Variants in RBFOX2 observed in about 807,000 individuals in gnomAD.
The protein encoded by RBFOX2 is RNA binding protein fox-1 homolog 2.
RBFOX2 carries 10 observed loss-of-function variants against 49.1 expected under a neutral mutation model. The observed-to-expected ratio is 0.20, with a 90% CI of 0.13 to 0.35. The LOEUF (loss-of-function observed/expected upper bound fraction) is 0.35, where lower values mean the gene tolerates loss of function less well. RBFOX2 is among the 10% of genes least tolerant of loss of function. The probability of loss-of-function intolerance (pLI) is 1.00; values close to 1 mark genes in which losing one functional copy is unlikely to be tolerated. For synonymous variants in RBFOX2, 183 were observed against 187.4 expected (o/e 0.98, Z 0.19); for missense variants, 323 against 486.9 (o/e 0.66, Z 3.17).
At chr22:35,854,426 G>GC (rs1176919839) in intron 1 of RBFOX2, among the ~76,000 whole-genome samples, 1 of 151,566 alleles carries the variant, frequency 6.6e-6, no homozygotes, top group Non-Finnish European at 1.5e-5. Flanking sequence ...CTATAGCCCC[G>GC]CCCCAAAAAA....
At chr22:35,986,777 A>C (rs1015710879) in intron 1 of RBFOX2, among the ~76,000 whole-genome samples, 1 of 152,208 alleles carries the variant, frequency 6.6e-6, no homozygotes, top group African/African-American at 2.4e-5. Context: ...AACATTAACT[A>C]TCTTCAAGCT....
intron 1 of RBFOX2, among the ~76,000 whole-genome samples, chr22:35,929,191 C>T (rs955477863): frequency 2.0e-5 from 3 of 151,542 alleles, no homozygotes; most frequent in African/African-American, 7.3e-5. Flanking sequence ...CTGGGTTAAC[C>T]AGGCTGGTCT....
intron 1 of RBFOX2, among the ~76,000 whole-genome samples, chr22:35,904,547 AC>A (rs902022351): frequency 2.0e-5 from 3 of 152,216 alleles, no homozygotes; most frequent in Admixed American, 2.0e-4. Flanking sequence ...TGCCACAGAT[AC>A]AAACCACAAA....
chr22:35,964,070 G>T (rs2056418624), upstream of RBFOX2, among the ~76,000 whole-genome samples: 1 of 152,054 alleles, frequency 6.6e-6, no homozygotes, highest in East Asian at 1.9e-4. Flanking sequence ...ACTCCACTTT[G>T]CAAACACAGA....
At chr22:35,892,308 C>T (rs2047343732) in intron 1 of RBFOX2, among the ~76,000 whole-genome samples, 2 of 152,196 alleles carry the variant, frequency 1.3e-5, no homozygotes, top group South Asian at 4.1e-4. Context: ...TTCTGAAACC[C>T]GTATTCTTTT....
At chr22:35,844,392 A>G (rs2148895115), upstream of RBFOX2, among the ~76,000 whole-genome samples, 1 of 152,360 alleles carries the variant, frequency 6.6e-6, no homozygotes, top group East Asian at 1.9e-4. Flanking sequence ...TTATTCACAC[A>G]TGGATACATC....
At chr22:35,780,698 A>G (rs962083104) in intron 3 of RBFOX2, among the ~76,000 whole-genome samples, 4 of 152,248 alleles carry the variant, frequency 2.6e-5, no homozygotes, top group Admixed American at 6.5e-5. Context: ...CATTTAATTT[A>G]TAACACTCTG....
chr22:35,767,972 C>A (rs1397779055), intron 5 of RBFOX2, among the ~76,000 whole-genome samples: 1 of 152,040 alleles, frequency 6.6e-6, no homozygotes, highest in African/African-American at 2.4e-5. Flanking sequence ...GCAGAAAGAT[C>A]AACATTTTGA....
chr22:35,984,539 A>C (rs979995643), intron 1 of RBFOX2, among the ~76,000 whole-genome samples: 3 of 152,226 alleles, frequency 2.0e-5, no homozygotes, highest in African/African-American at 7.2e-5. Context: ...GTAAAGGTCT[A>C]TAAATCATTA....
chr22:35,976,814 A>C (rs1308884026), intron 1 of RBFOX2, among the ~76,000 whole-genome samples: 1 of 152,076 alleles, frequency 6.6e-6, no homozygotes, highest in African/African-American at 2.4e-5. Flanking sequence ...AATACAAAAA[A>C]TTAGCTGGCC....
At chr22:35,996,521 C>T (rs556939356) in intron 1 of RBFOX2, 1 of 152,082 alleles carries the variant, frequency 6.6e-6, no homozygotes, top group African/African-American at 2.4e-5. Flanking sequence ...ATGAGAATCA[C>T]CTGAGCCTGG....
At position 35,933,119 on chromosome 22, in the gene RBFOX2, C is replaced by T. The variant is rs192128159; in HGVS notation, c.-34+5728G>A. On this transcript the variant is annotated intron_variant, in intron 1 of 13. Coordinates refer to the RBFOX2 transcript ENST00000359369. Reference sequence around the variant, plus strand: ...GACAGACAAATACAAAAGGGAAATACAAGACATGGAGGCTGAAAATCGGGG... The same window carrying T: ...GACAGACAAATACAAAAGGGAAATATAAGACATGGAGGCTGAAAATCGGGG... 3.9e-5 allele frequency among the ~76,000 whole-genome samples: 6 copies of T among 152,248 alleles called. No individual in the cohort carries two copies. In the East Asian group the frequency reaches 1.2e-3, roughly 29 times the overall value.
At chr22:35,947,861 A>G (rs947857721) in intron 1 of RBFOX2, among the ~76,000 whole-genome samples, 6 of 152,154 alleles carry the variant, frequency 3.9e-5, no homozygotes, top group African/African-American at 1.4e-4. Flanking sequence ...CAGTAAGCTA[A>G]GGCAAATTTG....
chr22:35,787,427 G>A (rs182213040), intron 2 of RBFOX2, among the ~76,000 whole-genome samples: 1 of 152,288 alleles, frequency 6.6e-6, no homozygotes, highest in Non-Finnish European at 1.5e-5. Flanking sequence ...GCAAAGGGAT[G>A]CTGACATTTA....
chr22:35,808,249 A>C (rs1951136132), intron 2 of RBFOX2, among the ~76,000 whole-genome samples: 1 of 151,690 alleles, frequency 6.6e-6, no homozygotes, highest in South Asian at 2.1e-4. Context: ...ATGCTACTGA[A>C]AGTCTCGTTT....
At chr22:35,828,403 G>A (rs1956185753) in intron 1 of RBFOX2, among the ~76,000 whole-genome samples, 1 of 152,182 alleles carries the variant, frequency 6.6e-6, no homozygotes, top group African/African-American at 2.4e-5. Context: ...TCCATGAATT[G>A]AGAAGATAGA....
chr22:35,883,398 C>T (rs990477441), intron 1 of RBFOX2, among the ~76,000 whole-genome samples: 2 of 152,210 alleles, frequency 1.3e-5, no homozygotes, highest in African/African-American at 4.8e-5. Context: ...TATTGTTTGA[C>T]GGAGAGGCCT....
chr22:35,790,183 A>C, intron 2 of RBFOX2, among the ~76,000 whole-genome samples: 1 of 152,248 alleles, frequency 6.6e-6, no homozygotes, highest in East Asian at 1.9e-4. Context: ...TCAAGGCAGC[A>C]AAATAGGGCA....
intron 6 of RBFOX2, 102 bp downstream of exon 7, chr22:35,765,321 C>T (rs1940583584): frequency 1.2e-6 from 1 of 846,140 alleles, no homozygotes; most frequent in Non-Finnish European, 1.8e-6. Context: ...CAACACAAAT[C>T]AAACTGTCTT....
Sources: allele counts gnomAD v4.1 joint callset (sites outside exome capture counted in the v4.1 genomes callset), GRCh38; gene constraint gnomAD v4.1.1; transcripts MANE v1.5; gene names NCBI Gene and HGNC (gene_info 2026-07-23, HGNC 2026-07-21).